Variants in EDIL3 observed in about 807,000 individuals in gnomAD.
EDIL3 encodes the protein EGF like and discoidin domains 3.
In EDIL3, 37 loss-of-function variants were observed where a neutral mutation model predicts 67.4. The ratio of observed to expected loss-of-function variants is 0.55; its 90% CI spans 0.42 to 0.72. The LOEUF (loss-of-function observed/expected upper bound fraction) is 0.72. EDIL3 is among the 30% of genes least tolerant of loss of function. The pLI, the probability that EDIL3 is intolerant of heterozygous loss-of-function variation, is 0.00. For missense variants in EDIL3, 527 were observed against 586.3 expected (o/e 0.90, Z 1.04); for synonymous variants, 195 against 196.3 (o/e 0.99, Z 0.05).
At chr5:84,230,346 A>G (rs1182603718) in intron 2 of EDIL3, among the ~76,000 whole-genome samples, 2 of 152,086 alleles carry the variant, frequency 1.3e-5, no homozygotes, top group Non-Finnish European at 2.9e-5. Context: ...GTGTTCCATG[A>G]GATAGAAGTT....
chr5:84,268,454 A>G (rs991361186), intron 1 of EDIL3, among the ~76,000 whole-genome samples: 5 of 152,232 alleles, frequency 3.3e-5, no homozygotes, highest in African/African-American at 1.2e-4. Context: ...AAGCATACAT[A>G]TTTAAAATGA....
chr5:84,010,173 T>C (rs927028627), intron 9 of EDIL3, among the ~76,000 whole-genome samples: 2 of 152,232 alleles, frequency 1.3e-5, no homozygotes, highest in Admixed American at 1.3e-4. Context: ...TGTTTGGAGT[T>C]TAATGTTTCA....
intron 1 of EDIL3, among the ~76,000 whole-genome samples, chr5:84,305,653 G>A (rs1390466969): frequency 2.6e-5 from 4 of 152,174 alleles, no homozygotes; most frequent in African/African-American, 7.2e-5. Flanking sequence ...GCCAAGACGC[G>A]CGGCTCACAA....
intron 2 of EDIL3, among the ~76,000 whole-genome samples, chr5:84,251,839 C>T (rs989697649): frequency 6.6e-6 from 1 of 152,068 alleles, no homozygotes. Flanking sequence ...AACTAATATC[C>T]TATACTAAAT....
At chr5:84,012,655 T>G (rs993224373) in intron 9 of EDIL3, among the ~76,000 whole-genome samples, 1 of 152,168 alleles carries the variant, frequency 6.6e-6, no homozygotes, top group African/African-American at 2.4e-5. Flanking sequence ...AGTTTGAGCA[T>G]AGTGGAGCAC....
intron 2 of EDIL3, among the ~76,000 whole-genome samples, chr5:84,236,452 T>C (rs1580391213): frequency 6.6e-6 from 1 of 152,242 alleles, no homozygotes; most frequent in Admixed American, 6.5e-5. Context: ...GTTTATTAAA[T>C]GTGCCCTTCC....
chr5:83,944,407 T>TC (rs1744277139), intron 10 of EDIL3, among the ~76,000 whole-genome samples: 1 of 151,004 alleles, frequency 6.6e-6, no homozygotes, highest in African/African-American at 2.4e-5. Flanking sequence ...TTTTTTTTTT[T>TC]TTTTTTTGGA....
chr5:84,237,534 T>G (rs1744705723), intron 2 of EDIL3, among the ~76,000 whole-genome samples: 1 of 152,164 alleles, frequency 6.6e-6, no homozygotes, highest in Non-Finnish European at 1.5e-5. Context: ...TTTGTTTCAC[T>G]AAGTCTTTAG....
chr5:83,958,187 T>C (rs964292327), intron 10 of EDIL3, among the ~76,000 whole-genome samples: 2 of 151,648 alleles, frequency 1.3e-5, no homozygotes, highest in African/African-American at 4.8e-5. Flanking sequence ...AATTTAATTT[T>C]GTTTTTGGCA....
chr5:84,235,011 T>C (rs1457451460), intron 2 of EDIL3, among the ~76,000 whole-genome samples: 1 of 152,176 alleles, frequency 6.6e-6, no homozygotes, highest in African/African-American at 2.4e-5. Context: ...GAGGCATTAC[T>C]AAAATTAGAG....
rs1748181129 is a variant in EDIL3, at chr5:84,384,473, A to G, written c.-99T>C. On this transcript the variant is annotated 5_prime_UTR_variant, in exon 1 of 11. Transcript: ENST00000296591. ...CAGGGCAGCAGCAGACTCCGCCCCT[A>G]CTAAAGAATTCAAGAAGACGTTCTC... 8.7e-7 allele frequency: 1 copy of G among 1,149,736 alleles called. No individual in the cohort carries two copies. The highest frequency in any genetic ancestry group is 1.3e-6 in the Non-Finnish European group (1 of 784,948). 71.2% of individuals were successfully genotyped at this position (1,149,736 alleles called of 1,614,324 possible). A position where few individuals can be genotyped will look rare whatever the true frequency, so the allele number is the denominator to read the frequency against.
At chr5:84,097,431 G>T (rs923470168) in intron 6 of EDIL3, among the ~76,000 whole-genome samples, 1 of 152,134 alleles carries the variant, frequency 6.6e-6, no homozygotes, top group Non-Finnish European at 1.5e-5. Flanking sequence ...TAAATATTAT[G>T]TTAATGTAGT....
chr5:84,235,135 T>C (rs942188768), intron 2 of EDIL3, among the ~76,000 whole-genome samples: 2 of 152,174 alleles, frequency 1.3e-5, no homozygotes, highest in Admixed American at 6.6e-5. Context: ...GTTTTTGTTT[T>C]ATTATTTGTT....
In EDIL3 at chr5:84,130,587, C is replaced by T. The variant is rs116484193; in HGVS notation, c.469+6654G>A. On this transcript the variant is annotated intron_variant, in intron 5 of 10. Transcript: ENST00000296591. ...TTACTTCAGAATTTCTCTATGTTTT[C>T]CTTTTGTCTTGTCACAGCTGGATAG... Among the ~76,000 whole-genome samples the T allele has an allele frequency of 9.8e-3, 1,497 of 152,034 alleles. 26 individuals are homozygous for T. The highest frequency in any genetic ancestry group is 0.035 in the African/African-American group (1,443 of 41,494).
chr5:84,246,851 C>T (rs1329532754), intron 2 of EDIL3, among the ~76,000 whole-genome samples: 1 of 152,028 alleles, frequency 6.6e-6, no homozygotes, highest in Non-Finnish European at 1.5e-5. Flanking sequence ...CATCAATAAG[C>T]TAATGAGTTT....
At chr5:84,219,618 C>G (rs570876390) in intron 3 of EDIL3, among the ~76,000 whole-genome samples, 10 of 152,204 alleles carry the variant, frequency 6.6e-5, no homozygotes, top group African/African-American at 2.4e-4. Context: ...TAGGTATATA[C>G]CCAAAGGAAA....
At chr5:84,368,935 T>C (rs1231103411) in intron 1 of EDIL3, among the ~76,000 whole-genome samples, 1 of 151,784 alleles carries the variant, frequency 6.6e-6, no homozygotes, top group Non-Finnish European at 1.5e-5. Context: ...CATTTTACAC[T>C]AATTAAGATG....
intron 4 of EDIL3, among the ~76,000 whole-genome samples, chr5:84,143,942 T>C (rs1398202992): frequency 6.6e-6 from 1 of 152,090 alleles, no homozygotes; most frequent in Admixed American, 6.6e-5. Context: ...ATGTATGTAC[T>C]GTACCAGTGA....
At chr5:84,248,222 C>T (rs915890198) in intron 2 of EDIL3, among the ~76,000 whole-genome samples, 3 of 152,128 alleles carry the variant, frequency 2.0e-5, no homozygotes, top group Non-Finnish European at 4.4e-5. Context: ...ACTAATCTTC[C>T]GTAAACCAAC....
Sources: gnomAD v4.1 joint callset for allele counts (sites outside exome capture counted in the v4.1 genomes callset) on GRCh38, gnomAD v4.1.1 for gene constraint, MANE v1.5 for transcripts, NCBI Gene and HGNC (gene_info 2026-07-23, HGNC 2026-07-21) for gene names.